The following SLIT2 variants were observed in gnomAD, a reference collection of about 807,000 sequenced individuals.
The protein encoded by SLIT2 is slit homolog 2 protein.
Under a neutral mutation model 185.7 loss-of-function variants are expected in SLIT2, and 41 were observed. That is an observed-to-expected ratio of 0.22 (90% CI 0.17 to 0.29). SLIT2 has a LOEUF of 0.29. Ranked by LOEUF, SLIT2 falls within the 10% of genes least tolerant of loss-of-function variation. The pLI is 1.00. For missense variants in SLIT2, 1,571 were observed against 1,909.0 expected, an observed-to-expected ratio of 0.82 and a Z score of 3.30; for synonymous variants, 693 against 680.2, an observed-to-expected ratio of 1.02 and a Z score of -0.29.
intron 4 of SLIT2, among the ~76,000 whole-genome samples, chr4:20,296,124 T>A (rs1276266321): frequency 2.0e-5 from 3 of 152,224 alleles, no homozygotes; most frequent in Admixed American, 2.0e-4. Context: ...ATTTCTCCTT[T>A]TGTTATGCTT....
chr4:20,268,946 G>A (rs1713315202), intron 4 of SLIT2, 65 bp downstream of exon 4: 6 of 979,854 alleles, frequency 6.1e-6, no homozygotes. Context: ...AATGTATTTT[G>A]GATCTGTTTG....
intron 4 of SLIT2, among the ~76,000 whole-genome samples, chr4:20,304,241 T>A (rs1577397743): frequency 6.6e-6 from 1 of 151,876 alleles, no homozygotes; most frequent in Non-Finnish European, 1.5e-5. Context: ...CTACTCTTAA[T>A]TAAAAGCTCA....
chr4:20,433,303 G>A (rs775502315), intron 4 of SLIT2, among the ~76,000 whole-genome samples: 28 of 152,220 alleles, frequency 1.8e-4, no homozygotes, highest in Non-Finnish European at 4.0e-4. Flanking sequence ...TTATCTATCT[G>A]TGGGTGAAAG....
intron 30 of SLIT2, among the ~76,000 whole-genome samples, chr4:20,594,690 T>G (rs1196435702): frequency 6.6e-6 from 1 of 152,114 alleles, no homozygotes; most frequent in African/African-American, 2.4e-5. Context: ...GAGATCCCAG[T>G]GGTCAGCACT....
intron 4 of SLIT2, among the ~76,000 whole-genome samples, chr4:20,273,601 C>T (rs970618506): frequency 6.6e-6 from 1 of 151,946 alleles, no homozygotes; most frequent in South Asian, 2.1e-4. Context: ...GTTTGATTCC[C>T]CTAGGTTTCT....
Position 20,541,545 on chromosome 4 carries a change from G to A in SLIT2, c.2069G>A (p.Arg690Lys). The change falls in exon 20 of 37, where the codon AGA becomes AAA. Residue 690 changes from arginine to lysine, a missense_variant. Arg to Lys is a conservative substitution (Grantham distance 26). Transcript: ENST00000504154. Reference protein sequence around the residue: ...RKKRIVTGNPRCQKPYFLKEI... With the variant: ...RKKRIVTGNPKCQKPYFLKEI... ...AAGAGAATTGTCACGGGAAATCCTAGATGTCAAAAACCATACTTCCTGAAA... is the reference window on the plus strand; with the variant it reads ...AAGAGAATTGTCACGGGAAATCCTAAATGTCAAAAACCATACTTCCTGAAA... 1.2e-6 allele frequency: 2 copies of A among 1,614,004 alleles called. No homozygotes were observed. Among genetic ancestry groups the A allele is most frequent in the Non-Finnish European group, 1.7e-6 (2 of 1,179,902 alleles).
At chr4:20,329,059 T>A (rs1719842922) in intron 4 of SLIT2, among the ~76,000 whole-genome samples, 1 of 152,180 alleles carries the variant, frequency 6.6e-6, no homozygotes, top group Non-Finnish European at 1.5e-5. Context: ...CACAGATATC[T>A]TCAGCTAACG....
intron 4 of SLIT2, among the ~76,000 whole-genome samples, chr4:20,317,386 T>C (rs1718697143): frequency 6.6e-6 from 1 of 152,008 alleles, no homozygotes; most frequent in Non-Finnish European, 1.5e-5. Flanking sequence ...GTAATAAGAA[T>C]TACAGTAAGA....
intron 4 of SLIT2, among the ~76,000 whole-genome samples, chr4:20,406,073 C>T (rs1279583585): frequency 7.0e-6 from 1 of 143,200 alleles, no homozygotes; most frequent in African/African-American, 2.4e-5. Flanking sequence ...AAATTATTAT[C>T]TTCTCAATAA....
intron 4 of SLIT2, among the ~76,000 whole-genome samples, chr4:20,308,357 C>G (rs1717774296): frequency 6.6e-6 from 1 of 152,116 alleles, no homozygotes; most frequent in Non-Finnish European, 1.5e-5. Flanking sequence ...AATAGGTAAC[C>G]TGATGTATTA....
At chr4:20,534,826 A>T (rs912960817) in intron 18 of SLIT2, among the ~76,000 whole-genome samples, 5 of 152,000 alleles carry the variant, frequency 3.3e-5, no homozygotes, top group African/African-American at 1.2e-4. Context: ...CCAAATTCAA[A>T]TCCCCACCCG....
chr4:20,305,277 C>T (rs906883744), intron 4 of SLIT2, among the ~76,000 whole-genome samples: 1 of 151,584 alleles, frequency 6.6e-6, no homozygotes. Context: ...CATATATACA[C>T]CAAAAAAAGA....
intron 4 of SLIT2, among the ~76,000 whole-genome samples, chr4:20,405,050 G>A (rs909488489): frequency 4.6e-5 from 7 of 151,802 alleles, no homozygotes; most frequent in African/African-American, 1.7e-4. Context: ...TGCTAAGTTT[G>A]TACATGTTCT....
intron 4 of SLIT2, among the ~76,000 whole-genome samples, chr4:20,343,821 A>AAG (rs1721163101): frequency 6.6e-6 from 1 of 151,204 alleles, no homozygotes; most frequent in Non-Finnish European, 1.5e-5. Context: ...AAAAAAAAAA[A>AAG]ATTGACATTC....
Position 20,252,427 on chromosome 4 carries a change from C to T in SLIT2, c.-1389C>T, listed in dbSNP as rs972781251. On this transcript the variant is annotated 5_prime_UTR_variant, in exon 1 of 37. Coordinates refer to ENST00000504154, the MANE Select transcript of SLIT2 (RefSeq NM_004787.4). ...AGGGGCTAGAAGGAGAAGGACTACCCGGGACTGCGGCCGCCGCGTCAGGTG... is the reference window on the plus strand; with the variant it reads ...AGGGGCTAGAAGGAGAAGGACTACCTGGGACTGCGGCCGCCGCGTCAGGTG... 2.0e-5 allele frequency among the ~76,000 whole-genome samples: 3 copies of T among 152,184 alleles called. No individual in the cohort carries two copies. Among genetic ancestry groups the T allele is most frequent in the Admixed American group, 2.0e-4 (3 of 15,286 alleles).
chr4:20,290,492 G>C lies in SLIT2; in HGVS notation c.395+21611G>C, dbSNP rs191819312. On this transcript the variant is annotated intron_variant, in intron 4 of 36. Transcript: ENST00000504154. ...TCTATTCAAATACTAGGCCATGTAA[G>C]GGACTTTTGCATTCTTAGAGTTTGG... Among the ~76,000 whole-genome samples, 4 of 152,304 alleles carry C rather than the reference G, an allele frequency of 2.6e-5. No homozygotes were observed. In the East Asian group the frequency reaches 7.7e-4, roughly 29 times the overall value.
chr4:20,486,841 C>A (rs484614), intron 7 of SLIT2, among the ~76,000 whole-genome samples: 47,858 of 150,354 alleles, frequency 0.32, 8,083 homozygotes, highest in East Asian at 0.48. Context: ...CCAGAGTAGC[C>A]TTTAAAATCT....
At chr4:20,591,236 G>A (rs1480937753) in intron 30 of SLIT2, among the ~76,000 whole-genome samples, 3 of 152,088 alleles carry the variant, frequency 2.0e-5, no homozygotes, top group African/African-American at 4.8e-5. Flanking sequence ...TACACAGGTC[G>A]GGATGAATTT....
intron 16 of SLIT2, among the ~76,000 whole-genome samples, chr4:20,531,376 A>G (rs780157787): frequency 6.6e-6 from 1 of 152,208 alleles, no homozygotes; most frequent in South Asian, 2.1e-4. Context: ...AAAAGGCTAC[A>G]TCTTACATGA....
Sources: allele counts gnomAD v4.1 joint callset (sites outside exome capture counted in the v4.1 genomes callset), GRCh38; gene constraint gnomAD v4.1.1; transcripts MANE v1.5; gene names NCBI Gene and HGNC (gene_info 2026-07-23, HGNC 2026-07-21).